Variants in SLC35E3 observed in about 807,000 individuals in gnomAD.
SLC35E3 encodes the protein solute carrier family 35 member E3.
A neutral mutation model predicts 30.8 loss-of-function variants in SLC35E3; 28 were observed. The observed-to-expected ratio is 0.91, with a 90% confidence interval of 0.67 to 1.25. The LOEUF (loss-of-function observed/expected upper bound fraction) is 1.25, where lower values mean the gene tolerates loss of function less well. SLC35E3 is among the 50% of genes most tolerant of loss of function. SLC35E3 has a pLI of 0.00. For synonymous variants in SLC35E3, 146 were observed against 149.2 expected, an observed-to-expected ratio of 0.98 and a Z score of 0.16; for missense variants, 365 against 375.4, an observed-to-expected ratio of 0.97 and a Z score of 0.23.
At chr12:68,748,721 AG>A (rs1878687965) in intron 2 of SLC35E3, among the ~76,000 whole-genome samples, 1 of 152,216 alleles carries the variant, frequency 6.6e-6, no homozygotes, top group Non-Finnish European at 1.5e-5. Context: ...AACTTGCTGT[AG>A]GGGACAGTGA....
Position 68,746,477 on chromosome 12 carries a change from T to A in SLC35E3, c.100T>A (p.Trp34Arg). 1 of 1,614,210 alleles carries A rather than the reference T, an allele frequency of 6.2e-7. No individual in the cohort carries two copies. The highest frequency in any genetic ancestry group is 8.5e-7 in the Non-Finnish European group (1 of 1,180,026). ...CATCTGCATTGTGTTCCTCAACAAA[T>A]GGATTTATGTGTACCACGGCTTCCC... The part of the protein sequence containing the change: ...VSICIVFLNK[W>R]IYVYHGFPNM... Residue 34 changes from tryptophan (W) to arginine (R), a missense_variant, in exon 1 of 5, where the codon TGG (tryptophan) becomes AGG (arginine). Transcript: ENST00000398004.
At chr12:68,758,419 C>CAA (rs149499640) in intron 3 of SLC35E3, among the ~76,000 whole-genome samples, 8 of 141,944 alleles carry the variant, frequency 5.6e-5, no homozygotes, top group African/African-American at 2.1e-4. Flanking sequence ...AACTCCGTCT[C>CAA]AAAAAAAAAA....
At chr12:68,764,604 C>A in intron 4 of SLC35E3, 100 bp from the exon 5 acceptor site, 1 of 1,118,286 alleles carries the variant, frequency 8.9e-7, no homozygotes, top group Non-Finnish European at 1.3e-6. Flanking sequence ...TTCTTTACAT[C>A]TGATGGGCTG....
rs1252688409 is a variant in SLC35E3, at chr12:68,767,845, T to C, written c.*2955T>C. 2 of 152,236 alleles carry C rather than the reference T, an allele frequency of 1.3e-5. No homozygotes were observed. Among genetic ancestry groups the C allele is most frequent in the Admixed American group, 1.3e-4 (2 of 15,278 alleles). The allele number at this position is 152,236 out of a possible 1,614,324, so 9.4% of individuals were successfully genotyped here. On this transcript the variant is annotated 3_prime_UTR_variant, in exon 5 of 5. Coordinates refer to ENST00000398004, the MANE Select transcript of SLC35E3 (RefSeq NM_018656.5). ...GACAGAGCAATTAGTTTTTACCAGATAAGCCTCGGGTATTATGTTTGTCTA... is the reference window on the plus strand; with the variant it reads ...GACAGAGCAATTAGTTTTTACCAGACAAGCCTCGGGTATTATGTTTGTCTA...
Position 68,766,513 on chromosome 12 carries a change from T to C in SLC35E3, c.*1623T>C, listed in dbSNP as rs1879423420. ...AAAAAAAAAAAAAAAAATAGCCCTA[T>C]GTTTAAATGGCTCAAAGAAAAGACT... On this transcript the variant is annotated 3_prime_UTR_variant, in exon 5 of 5. Coordinates refer to ENST00000398004, the MANE Select transcript of SLC35E3 (RefSeq NM_018656.5). 1.1e-5 allele frequency: 2 copies of C among 176,800 alleles called. No homozygotes were observed. Among genetic ancestry groups the C allele is most frequent in the Admixed American group, 1.3e-4 (2 of 15,768 alleles). The allele number at this position is 176,800 out of a possible 1,614,324, so 11.0% of individuals were successfully genotyped here.
At chr12:68,761,465 A>AT (rs1879230887) in intron 4 of SLC35E3, among the ~76,000 whole-genome samples, 1 of 151,440 alleles carries the variant, frequency 6.6e-6, no homozygotes, top group Non-Finnish European at 1.5e-5. Flanking sequence ...GGATTTCTCA[A>AT]CCTCTGGGCT....
In SLC35E3 at chr12:68,764,837, T is replaced by G; in HGVS notation, c.889T>G (p.Phe297Val). The stretch of plus-strand genomic sequence containing the variant: ...ATTTGGCATTCTCGCCTATACCCAC[T>G]TTAAGCTCAGTGAACAGGAAGGAAG... Reference protein sequence around the residue: ...TLFGILAYTHFKLSEQEGSRS... With the variant: ...TLFGILAYTHVKLSEQEGSRS... Residue 297 changes from phenylalanine (F) to valine (V), a missense_variant, in exon 5 of 5, where the codon TTT (phenylalanine) becomes GTT (valine). Physicochemically the swap from Phe to Val is conservative, Grantham distance 50. Coordinates refer to ENST00000398004, the MANE Select transcript of SLC35E3 (RefSeq NM_018656.5). 2 of 1,614,092 alleles carry G rather than the reference T, an allele frequency of 1.2e-6. No individual in the cohort carries two copies. The highest frequency in any genetic ancestry group is 1.1e-5 in the South Asian group (1 of 91,082).
intron 2 of SLC35E3, among the ~76,000 whole-genome samples, chr12:68,750,500 G>C (rs753828856): frequency 3.3e-5 from 5 of 152,230 alleles, no homozygotes; most frequent in African/African-American, 1.2e-4. Flanking sequence ...AAGAGGGCTC[G>C]CAGGAAGGGC....
rs1432457834 is a variant in SLC35E3 at position 68,775,220 on chromosome 12, T to C, written c.*10330T>C. The C allele has an allele frequency of 6.6e-6, 1 of 152,208 alleles. No individual in the cohort carries two copies. The highest frequency in any genetic ancestry group is 1.5e-5 in the Non-Finnish European group (1 of 68,048). 9.4% of individuals were successfully genotyped at this position (152,208 alleles called of 1,614,324 possible). On this transcript the variant is annotated 3_prime_UTR_variant, in exon 5 of 5. Transcript: ENST00000398004. The stretch of plus-strand genomic sequence containing the variant: ...CATTTGGGGTAAAAAGGGGCAAGAA[T>C]GGAGGACCTGCTCTGTCTGTCGGAC...
intron 3 of SLC35E3, among the ~76,000 whole-genome samples, chr12:68,754,873 C>T (rs1391577178): frequency 6.6e-6 from 1 of 152,130 alleles, no homozygotes; most frequent in Admixed American, 6.6e-5. Flanking sequence ...AGGACTAATG[C>T]GTTGGGGACA....
At chr12:68,764,501 C>G (rs776712692) in intron 4 of SLC35E3, among the ~76,000 whole-genome samples, 1 of 152,166 alleles carries the variant, frequency 6.6e-6, no homozygotes, top group African/African-American at 2.4e-5. Flanking sequence ...GATGGCCAGG[C>G]TGGTCTCAAA....
In SLC35E3 at chr12:68,772,324, C is replaced by T. The variant is rs1419999269; in HGVS notation, c.*7434C>T. 6.6e-6 allele frequency: 1 copy of T among 152,158 alleles called. No individual in the cohort carries two copies. Among genetic ancestry groups the T allele is most frequent in the African/African-American group, 2.4e-5 (1 of 41,424 alleles). The allele number at this position is 152,158 out of a possible 1,614,324, so 9.4% of individuals were successfully genotyped here. A position where few individuals can be genotyped will look rare whatever the true frequency, so the allele number is the denominator to read the frequency against. On this transcript the variant is annotated 3_prime_UTR_variant, in exon 5 of 5. Coordinates refer to ENST00000398004, the MANE Select transcript of SLC35E3 (RefSeq NM_018656.5). ...AAGTGCTGGGATTACAGGTGTGAGC[C>T]ACCACGCCTGGCCTGTTTGACCTTT...
At chr12:68,755,757 T>C (rs1188869631) in intron 3 of SLC35E3, among the ~76,000 whole-genome samples, 1 of 152,092 alleles carries the variant, frequency 6.6e-6, no homozygotes. Context: ...TGAGAACTAA[T>C]AGAGCAAGAA....
chr12:68,766,539 A>G lies in SLC35E3; in HGVS notation c.*1649A>G, dbSNP rs1483872900. Reference sequence around the variant, plus strand: ...GTTTAAATGGCTCAAAGAAAAGACTATAAATGGAATTGAACATGTTTGTTA... The same window carrying G: ...GTTTAAATGGCTCAAAGAAAAGACTGTAAATGGAATTGAACATGTTTGTTA... On this transcript the variant is annotated 3_prime_UTR_variant, in exon 5 of 5. Coordinates refer to ENST00000398004, the MANE Select transcript of SLC35E3 (RefSeq NM_018656.5). 2 of 207,266 alleles carry G rather than the reference A, an allele frequency of 9.6e-6. No homozygotes were observed. The highest frequency in any genetic ancestry group is 2.4e-5 in the African/African-American group (1 of 42,172). 12.8% of individuals were successfully genotyped at this position (207,266 alleles called of 1,614,324 possible). A position where few individuals can be genotyped will look rare whatever the true frequency, so the allele number is the denominator to read the frequency against.
At chr12:68,747,776 T>G (rs185222924) in intron 1 of SLC35E3, among the ~76,000 whole-genome samples, 154 bp from the exon 2 acceptor site, 5 of 152,352 alleles carry the variant, frequency 3.3e-5, no homozygotes, top group Non-Finnish European at 7.3e-5. Context: ...GATTAACAAC[T>G]AGTTTTCCCA....
At position 68,774,225 on chromosome 12, in the gene SLC35E3, C is replaced by T. The variant is rs1668348420; in HGVS notation, c.*9335C>T. The T allele has an allele frequency of 6.6e-6, 1 of 152,208 alleles. No homozygotes were observed. The highest frequency in any genetic ancestry group is 2.4e-5 in the African/African-American group (1 of 41,398). 9.4% of individuals were successfully genotyped at this position (152,208 alleles called of 1,614,324 possible). A position where few individuals can be genotyped will look rare whatever the true frequency, so the allele number is the denominator to read the frequency against. ...GCCGAGGGAGGAGGATCATTTGAGC[C>T]CAGGAGTTTGAGACCAGCCTGGGCA... On this transcript the variant is annotated 3_prime_UTR_variant, in exon 5 of 5. Transcript: ENST00000398004.
intron 4 of SLC35E3, 141 bp from the exon 5 acceptor site, chr12:68,764,563 C>G: frequency 1.7e-6 from 1 of 578,030 alleles, no homozygotes; most frequent in Non-Finnish European, 2.8e-6. Flanking sequence ...GCTGGGATTA[C>G]AGGCATGATC....
chr12:68,756,099 T>G (rs1050040670), intron 3 of SLC35E3, among the ~76,000 whole-genome samples: 2 of 152,092 alleles, frequency 1.3e-5, no homozygotes, highest in Non-Finnish European at 2.9e-5. Context: ...AATTTATATA[T>G]TTTACCATAT....
Position 68,772,161 on chromosome 12 carries a change from C to A in SLC35E3, c.*7271C>A, listed in dbSNP as rs1274132715. 6.6e-6 allele frequency: 1 copy of A among 152,022 alleles called. No homozygotes were observed. The highest frequency in any genetic ancestry group is 1.5e-5 in the Non-Finnish European group (1 of 68,030). The allele number at this position is 152,022 out of a possible 1,614,324, so 9.4% of individuals were successfully genotyped here. A position where few individuals can be genotyped will look rare whatever the true frequency, so the allele number is the denominator to read the frequency against. ...CAAGCGATTCTCCCGCCTCTGCCTC[C>A]CGAGTAGCTGAGATTACAGGCACCC... On this transcript the variant is annotated 3_prime_UTR_variant, in exon 5 of 5. Coordinates refer to ENST00000398004, the MANE Select transcript of SLC35E3 (RefSeq NM_018656.5).
Sources: allele counts gnomAD v4.1 joint callset (sites outside exome capture counted in the v4.1 genomes callset), GRCh38; gene constraint gnomAD v4.1.1; transcripts MANE v1.5; gene names NCBI Gene and HGNC (gene_info 2026-07-23, HGNC 2026-07-21).